GPR26: variants seen among roughly 807,000 people sequenced by gnomAD.
GPR26 encodes the protein G protein-coupled receptor 26.
GPR26 carries 15 observed loss-of-function variants against 23.1 expected under a neutral mutation model. The ratio of observed to expected loss-of-function variants is 0.65; its 90% CI spans 0.43 to 1.00. The LOEUF (loss-of-function observed/expected upper bound fraction) is 1.00. GPR26 is among the 50% of genes least tolerant of loss of function. The pLI, the probability that GPR26 is intolerant of heterozygous loss-of-function variation, is 0.00. For missense variants in GPR26, 359 were observed against 470.5 expected, an observed-to-expected ratio of 0.76 and a Z score of 2.19; for synonymous variants, 228 against 222.1, an observed-to-expected ratio of 1.03 and a Z score of -0.24.
At chr10:123,687,763 C>T (rs925305778) in intron 2 of GPR26, among the ~76,000 whole-genome samples, 166 bp from the exon 3 acceptor site, 1 of 152,194 alleles carries the variant, frequency 6.6e-6, no homozygotes, top group Non-Finnish European at 1.5e-5. Context: ...TCACCATCAT[C>T]ATCATTGGTG....
chr10:123,673,785 T>A (rs1845276333), intron 1 of GPR26, among the ~76,000 whole-genome samples: 3 of 152,078 alleles, frequency 2.0e-5, no homozygotes, highest in Admixed American at 2.0e-4. Context: ...GTGCATGGAG[T>A]CCAGGCTGCC....
At chr10:123,687,814 T>C in intron 2 of GPR26, 115 bp from the exon 3 acceptor site, 1 of 657,632 alleles carries the variant, frequency 1.5e-6, no homozygotes, top group South Asian at 1.8e-5. Context: ...CTCAGATAAA[T>C]TGAGGGTTGG....
rs1343085697 is a variant in GPR26 at position 123,666,956 on chromosome 10, C to G, written c.549C>G (p.Leu183=). The part of the protein sequence containing the change: ...TGAFHALSFL[L]SFVVLCCTYL... ...CCTTCCACGCTCTCAGCTTCCTGCT[C>G]TCCTTCGTCGTGCTCTGCTGCACGT... Residue 183 remains leucine, a synonymous_variant, in exon 1 of 3, where the codon CTC becomes CTG. Transcript: ENST00000284674. 2 of 1,613,874 alleles carry G rather than the reference C, an allele frequency of 1.2e-6. No homozygotes were observed. Among genetic ancestry groups the G allele is most frequent in the Non-Finnish European group, 1.7e-6 (2 of 1,179,998 alleles).
At chr10:123,685,028 C>T (rs569054353) in intron 2 of GPR26, among the ~76,000 whole-genome samples, 42 of 152,330 alleles carry the variant, frequency 2.8e-4, no homozygotes, top group African/African-American at 6.0e-4. Flanking sequence ...CTGCCTCCCA[C>T]GTCCCGTCCT....
At chr10:123,679,237 A>C (rs1212540460) in intron 2 of GPR26, among the ~76,000 whole-genome samples, 2 of 152,204 alleles carry the variant, frequency 1.3e-5, no homozygotes, top group African/African-American at 2.4e-5. Flanking sequence ...CATGTCATGC[A>C]GGGAGGGTGA....
intron 2 of GPR26, among the ~76,000 whole-genome samples, chr10:123,683,448 C>G (rs1029661090): frequency 6.6e-6 from 1 of 152,160 alleles, no homozygotes; most frequent in African/African-American, 2.4e-5. Flanking sequence ...GGTTATGGTC[C>G]TGTTCTCACT....
At chr10:123,667,186 A>G in intron 1 of GPR26, 111 bp downstream of exon 1, 1 of 857,574 alleles carries the variant, frequency 1.2e-6, no homozygotes, top group Non-Finnish European at 1.7e-6. Context: ...TTCTTCTGAG[A>G]ACTCGAGGGT....
intron 1 of GPR26, among the ~76,000 whole-genome samples, chr10:123,671,384 G>A (rs180984056): frequency 2.6e-5 from 4 of 152,106 alleles, no homozygotes; most frequent in Admixed American, 6.6e-5. Flanking sequence ...TCACAGCCTC[G>A]GGACCTCTCC....
At chr10:123,678,599 G>A (rs946224541) in intron 2 of GPR26, among the ~76,000 whole-genome samples, 2 of 152,198 alleles carry the variant, frequency 1.3e-5, no homozygotes, top group African/African-American at 4.8e-5. Flanking sequence ...CCCTCTTGGA[G>A]CCACCTGACC....
At chr10:123,675,053 G>A (rs182244088) in intron 2 of GPR26, 122 bp downstream of exon 2, 2 of 628,554 alleles carry the variant, frequency 3.2e-6, no homozygotes, top group Non-Finnish European at 5.7e-6. Flanking sequence ...TGGGGGGCAA[G>A]AGTGAACTTG....
intron 2 of GPR26, among the ~76,000 whole-genome samples, chr10:123,678,912 T>A (rs1433906398): frequency 6.6e-6 from 1 of 152,116 alleles, no homozygotes; most frequent in Non-Finnish European, 1.5e-5. Flanking sequence ...TGAGTCAGGG[T>A]TGAGAAACAC....
Position 123,694,025 on chromosome 10 carries a change from T to C in GPR26, c.*5865T>C. 6.6e-6 allele frequency: 1 copy of C among 151,306 alleles called. No homozygotes were observed. The highest frequency in any genetic ancestry group is 1.5e-5 in the Non-Finnish European group (1 of 67,382). The allele number at this position is 151,306 out of a possible 1,614,324, so 9.4% of individuals were successfully genotyped here. On this transcript the variant is annotated 3_prime_UTR_variant, in exon 3 of 3. Coordinates refer to ENST00000284674, the MANE Select transcript of GPR26 (RefSeq NM_153442.4). ...CCAGAACTATGAGCAGACTTGCCTGTCACTCTCCAAACATTTACTGAACAC... is the reference window on the plus strand; with the variant it reads ...CCAGAACTATGAGCAGACTTGCCTGCCACTCTCCAAACATTTACTGAACAC...
In GPR26 at chr10:123,675,317, A is replaced by AAGATGGCCCAAC. The variant is rs1385544107; in HGVS notation, c.782+387_782+398dup. Among the ~76,000 whole-genome samples, 3 of 152,138 alleles carry AAGATGGCCCAAC rather than the reference A, an allele frequency of 2.0e-5. No homozygotes were observed. The East Asian group carries it at 5.8e-4, about 29-fold the overall frequency. On this transcript the variant is annotated intron_variant, in intron 2 of 2. Transcript: ENST00000284674. ...TCCTGCTTTACTGCCCACTGAATGC[A>AAGATGGCCCAAC]AGATGGCCCAACCCCCAGGTGTCCC...
chr10:123,688,628 T>TAC lies in GPR26; in HGVS notation c.*468_*469insAC. 4 of 177,772 alleles carry TAC rather than the reference T, an allele frequency of 2.3e-5. No individual in the cohort carries two copies. Among genetic ancestry groups the TAC allele is most frequent in the South Asian group, 1.4e-4 (1 of 7,224 alleles). 11.0% of individuals were successfully genotyped at this position (177,772 alleles called of 1,614,324 possible). ...GTGGTCATTTGGCCCGGATCTAACA[T>TAC]GGCACCTCGTCTCCACAGGGTAGTG... On this transcript the variant is annotated 3_prime_UTR_variant, in exon 3 of 3. Coordinates refer to ENST00000284674, the MANE Select transcript of GPR26 (RefSeq NM_153442.4).
intron 2 of GPR26, among the ~76,000 whole-genome samples, chr10:123,680,146 A>G (rs979017011): frequency 6.6e-6 from 1 of 152,244 alleles, no homozygotes; most frequent in Admixed American, 6.5e-5. Flanking sequence ...TAAAGAGGCA[A>G]CACAGAAGAT....
In GPR26 at chr10:123,694,959, C is replaced by T. The variant is rs936331046; in HGVS notation, c.*6799C>T. On this transcript the variant is annotated 3_prime_UTR_variant, in exon 3 of 3. Coordinates refer to ENST00000284674, the MANE Select transcript of GPR26 (RefSeq NM_153442.4). ...TTTGTCTTCGGTAGGGAGTGCCACA[C>T]ATTTAATATCAATGCAGGGTCCTGA... Among the ~76,000 whole-genome samples, 1 of 152,212 alleles carries T rather than the reference C, an allele frequency of 6.6e-6. No homozygotes were observed. The highest frequency in any genetic ancestry group is 2.4e-5 in the African/African-American group (1 of 41,460).
rs559330362 is a variant in GPR26, at chr10:123,688,617, C to T, written c.*457C>T. The T allele has an allele frequency of 1.9e-4, 33 of 177,960 alleles. No individual in the cohort carries two copies. The South Asian group carries it at 3.7e-3, about 20-fold the overall frequency. The allele number at this position is 177,960 out of a possible 1,614,324, so 11.0% of individuals were successfully genotyped here. A position where few individuals can be genotyped will look rare whatever the true frequency, so the allele number is the denominator to read the frequency against. On this transcript the variant is annotated 3_prime_UTR_variant, in exon 3 of 3. Transcript: ENST00000284674. ...GGAGGCTGGCAGTGGTCATTTGGCC[C>T]GGATCTAACATGGCACCTCGTCTCC...
rs71026066 is a variant in GPR26, at chr10:123,667,561, C to CTGTGTGTG, written c.668+519_668+526dup. On this transcript the variant is annotated intron_variant, in intron 1 of 2. Coordinates refer to ENST00000284674, the MANE Select transcript of GPR26 (RefSeq NM_153442.4). ...GTGTGGCGCTGCCTCTGTCTCACGA[C>CTGTGTGTG]TGTGTGTGTGTGTGTGTGTGTGTGT... Among the ~76,000 whole-genome samples the CTGTGTGTG allele has an allele frequency of 3.4e-3, 429 of 125,066 alleles. 1 individual carries two copies. The highest frequency in any genetic ancestry group is 6.5e-3 in the East Asian group (26 of 4,022). 82.0% of individuals were successfully genotyped at this position (125,066 alleles called of 152,430 possible).
chr10:123,691,218 T>G lies in GPR26; in HGVS notation c.*3058T>G, dbSNP rs1175416544. 3.3e-5 allele frequency: 5 copies of G among 152,162 alleles called. No individual in the cohort carries two copies. Among genetic ancestry groups the G allele is most frequent in the Admixed American group, 3.3e-4 (5 of 15,272 alleles). The allele number at this position is 152,162 out of a possible 1,614,324, so 9.4% of individuals were successfully genotyped here. On this transcript the variant is annotated 3_prime_UTR_variant, in exon 3 of 3. Coordinates refer to ENST00000284674, the MANE Select transcript of GPR26 (RefSeq NM_153442.4). ...TGTGCCCTGGTATTTAGGGTTTGTC[T>G]CATGGTCAGCTCGCCTCTCAAAGAT...
Sources: gnomAD v4.1 joint callset for allele counts (sites outside exome capture counted in the v4.1 genomes callset) on GRCh38, gnomAD v4.1.1 for gene constraint, MANE v1.5 for transcripts, NCBI Gene and HGNC (gene_info 2026-07-23, HGNC 2026-07-21) for gene names.